Variants in WWOX observed in about 807,000 individuals in gnomAD.
WWOX encodes WW domain containing oxidoreductase.
Under a neutral mutation model 46.2 loss-of-function variants are expected in WWOX, and 69 were observed. That is an observed-to-expected ratio of 1.49 (90% CI 1.23 to 1.82). WWOX has a LOEUF of 1.82. Ranked by LOEUF, WWOX falls within the 40% of genes most tolerant of loss-of-function variation. WWOX has a pLI of 0.00. For missense variants in WWOX, 919 were observed against 542.6 expected, an observed-to-expected ratio of 1.69 and a Z score of -6.89; for synonymous variants, 359 against 202.6, an observed-to-expected ratio of 1.77 and a Z score of -6.56.
At chr16:78,369,681 C>A (rs1024086854) in intron 5 of WWOX, among the ~76,000 whole-genome samples, 3 of 152,066 alleles carry the variant, frequency 2.0e-5, no homozygotes, top group Admixed American at 6.5e-5. Context: ...CCAGAAAGGT[C>A]TCTCTCGGTG....
intron 6 of WWOX, among the ~76,000 whole-genome samples, chr16:78,422,660 C>CATATATATATATATATATATATATATAT (rs1388283094): frequency 3.1e-4 from 2 of 6,526 alleles, no homozygotes; most frequent in Non-Finnish European, 1.2e-3. Flanking sequence ...GTTTTTTTTA[C>CATATATATATATATATATATATATATAT]ATGTATATAT....
chr16:78,819,510 C>T (rs993714174), intron 8 of WWOX, among the ~76,000 whole-genome samples: 1 of 152,192 alleles, frequency 6.6e-6, no homozygotes, highest in Admixed American at 6.5e-5. Context: ...ACTTAATTTG[C>T]ATATAATTAA....
chr16:78,207,550 C>A (rs956498583), intron 5 of WWOX, among the ~76,000 whole-genome samples: 1 of 149,136 alleles, frequency 6.7e-6, no homozygotes, highest in Non-Finnish European at 1.5e-5. Flanking sequence ...AGTAGCTTCT[C>A]ATTTTAATTT....
intron 5 of WWOX, among the ~76,000 whole-genome samples, chr16:78,305,160 G>C (rs961227076): frequency 2.6e-5 from 4 of 152,134 alleles, no homozygotes; most frequent in Non-Finnish European, 5.9e-5. Context: ...ACACTAGTGT[G>C]TATTAGGCCA....
chr16:78,383,164 T>G (rs2081991669), intron 5 of WWOX, among the ~76,000 whole-genome samples: 1 of 151,804 alleles, frequency 6.6e-6, no homozygotes, highest in Non-Finnish European at 1.5e-5. Context: ...GTATTGGGGA[T>G]TACAATTTAA....
chr16:78,240,594 G>T (rs1310809198), intron 5 of WWOX, among the ~76,000 whole-genome samples: 1 of 152,118 alleles, frequency 6.6e-6, no homozygotes, highest in East Asian at 1.9e-4. Flanking sequence ...CTAGCACACT[G>T]CCACATCTGG....
At chr16:79,041,418 C>A (rs558714670) in intron 8 of WWOX, among the ~76,000 whole-genome samples, 1 of 152,184 alleles carries the variant, frequency 6.6e-6, no homozygotes, top group African/African-American at 2.4e-5. Context: ...CCTTGCGGTT[C>A]CTTGCCGGTG....
At chr16:79,120,918 G>A (rs1296592072) in intron 8 of WWOX, among the ~76,000 whole-genome samples, 4 of 152,152 alleles carry the variant, frequency 2.6e-5, no homozygotes, top group African/African-American at 4.8e-5. Context: ...ACAGGCGTGC[G>A]CCACCATGCC....
chr16:78,982,217 A>G (rs2046696665), intron 8 of WWOX, among the ~76,000 whole-genome samples: 1 of 152,234 alleles, frequency 6.6e-6, no homozygotes, highest in Admixed American at 6.5e-5. Flanking sequence ...AGAAATAGGA[A>G]CATGAATTTG....
intron 5 of WWOX, among the ~76,000 whole-genome samples, chr16:78,247,282 A>C (rs772574705): frequency 6.6e-6 from 1 of 152,152 alleles, no homozygotes; most frequent in Admixed American, 6.5e-5. Flanking sequence ...GGTGATGATA[A>C]AAAGCAGTTA....
intron 4 of WWOX, among the ~76,000 whole-genome samples, chr16:78,153,274 A>C (rs1271569790): frequency 6.6e-6 from 1 of 152,186 alleles, no homozygotes; most frequent in African/African-American, 2.4e-5. Context: ...TCATCTGGAA[A>C]TGCCTGTGGG....
chr16:79,014,290 T>G (rs1270014796), intron 8 of WWOX, among the ~76,000 whole-genome samples: 1 of 152,154 alleles, frequency 6.6e-6, no homozygotes, highest in East Asian at 1.9e-4. Flanking sequence ...ACCCGGTGAT[T>G]TATACCAAAA....
At chr16:78,516,242 C>G (rs1479676231) in intron 8 of WWOX, among the ~76,000 whole-genome samples, 1 of 152,164 alleles carries the variant, frequency 6.6e-6, no homozygotes, top group Non-Finnish European at 1.5e-5. Context: ...AAACAGACAT[C>G]TATGCCAAAT....
In WWOX at chr16:78,422,684, T is replaced by TATATATATATATATATATATATATATAC. The variant is rs1263877025; in HGVS notation, c.606-2185_606-2184insTATATATATATATATATATATATATACA. On this transcript the variant is annotated intron_variant, in intron 6 of 8. Coordinates refer to ENST00000566780, the MANE Select transcript of WWOX (RefSeq NM_016373.4). ...ACATGTATATATATATATATATATA[T>TATATATATATATATATATATATATATAC]ACACACACACACACACATATATATA... Among the ~76,000 whole-genome samples, 187 of 52,892 alleles carry TATATATATATATATATATATATATATAC rather than the reference T, an allele frequency of 3.5e-3. 16 individuals carry two copies. The highest frequency in any genetic ancestry group is 0.017 in the Middle Eastern group (2 of 116). 34.7% of individuals were successfully genotyped at this position (52,892 alleles called of 152,430 possible).
rs181964280 is a variant in WWOX, at chr16:78,305,998, G to A, written c.517-80862G>A. On this transcript the variant is annotated intron_variant, in intron 5 of 8. Coordinates refer to ENST00000566780, the MANE Select transcript of WWOX (RefSeq NM_016373.4). ...TTCTAATACAGATGTCCTTTACATG[G>A]GCAATCCACTTTTCTCATTGATTCC... Among the ~76,000 whole-genome samples, 445 of 151,820 alleles carry A rather than the reference G, an allele frequency of 2.9e-3. 2 individuals carry two copies. The highest frequency in any genetic ancestry group is 6.8e-3 in the Middle Eastern group (2 of 292).
intron 5 of WWOX, among the ~76,000 whole-genome samples, chr16:78,180,964 A>G (rs2035514459): frequency 6.6e-6 from 1 of 152,188 alleles, no homozygotes; most frequent in African/African-American, 2.4e-5. Flanking sequence ...TTTGGAGGTA[A>G]GTATAAAAAC....
chr16:78,911,010 ATAAAT>A (rs373727239), intron 8 of WWOX, among the ~76,000 whole-genome samples: 46 of 152,224 alleles, frequency 3.0e-4, no homozygotes, highest in African/African-American at 1.1e-3. Context: ...TCAATTAAAA[ATAAAT>A]TAAAAAAATT....
chr16:78,814,823 C>G (rs143915981), intron 8 of WWOX, among the ~76,000 whole-genome samples: 3 of 152,190 alleles, frequency 2.0e-5, no homozygotes, highest in Non-Finnish European at 4.4e-5. Flanking sequence ...CCCCACTAGT[C>G]CTGTCATCTG....
At chr16:78,496,662 G>C (rs897800996) in intron 8 of WWOX, among the ~76,000 whole-genome samples, 3 of 152,200 alleles carry the variant, frequency 2.0e-5, no homozygotes, top group Non-Finnish European at 4.4e-5. Flanking sequence ...CCAAGTTTCT[G>C]GTTTACTCGT....
Sources: allele counts gnomAD v4.1 joint callset (sites outside exome capture counted in the v4.1 genomes callset), GRCh38; gene constraint gnomAD v4.1.1; transcripts MANE v1.5; gene names NCBI Gene and HGNC (gene_info 2026-07-23, HGNC 2026-07-21).